Variants in PRUNE2 observed in about 807,000 individuals in gnomAD.
PRUNE2 encodes protein prune homolog 2.
Under a neutral mutation model 252.0 loss-of-function variants are expected in PRUNE2, and 164 were observed. The observed-to-expected ratio is 0.65, with a 90% CI of 0.57 to 0.74. PRUNE2 has a LOEUF of 0.74. PRUNE2 is among the 30% of genes least tolerant of loss of function. PRUNE2 has a pLI of 0.00. For synonymous variants in PRUNE2, 1,292 were observed against 1,350.2 expected, an observed-to-expected ratio of 0.96 and a Z score of 0.94; for missense variants, 3,495 against 3,711.0, an observed-to-expected ratio of 0.94 and a Z score of 1.51.
intron 15 of PRUNE2, among the ~76,000 whole-genome samples, chr9:76,630,504 T>C (rs1587861843): frequency 6.6e-6 from 1 of 152,192 alleles, no homozygotes; most frequent in Non-Finnish European, 1.5e-5. Flanking sequence ...AACTTGGTCT[T>C]ATGCATTTCT....
At chr9:76,743,234 T>C (rs938323094) in intron 6 of PRUNE2, among the ~76,000 whole-genome samples, 2 of 152,226 alleles carry the variant, frequency 1.3e-5, no homozygotes, top group African/African-American at 4.8e-5. Flanking sequence ...GCCTTGGGCA[T>C]TTCTCTATAG....
At chr9:76,722,244 A>AT (rs1447063811) in intron 6 of PRUNE2, among the ~76,000 whole-genome samples, 1 of 91,814 alleles carries the variant, frequency 1.1e-5, no homozygotes, top group Non-Finnish European at 2.4e-5. Flanking sequence ...TTTTTTTTGT[A>AT]TTTTTAGTAG....
intron 1 of PRUNE2, among the ~76,000 whole-genome samples, chr9:76,899,419 T>C (rs2063038227): frequency 6.6e-6 from 1 of 152,236 alleles, no homozygotes; most frequent in South Asian, 2.1e-4. Flanking sequence ...TCCTTGACTT[T>C]AGTGTCCTTC....
intron 14 of PRUNE2, 108 bp from the exon 15 acceptor site, chr9:76,636,665 T>G: frequency 1.5e-6 from 1 of 659,322 alleles, no homozygotes; most frequent in Non-Finnish European, 2.6e-6. Flanking sequence ...AAGTCTGGCA[T>G]GGTAGCTCAT....
chr9:76,628,148 C>G (rs1554770331), intron 16 of PRUNE2, among the ~76,000 whole-genome samples: 1 of 151,776 alleles, frequency 6.6e-6, no homozygotes, highest in African/African-American at 2.4e-5. Context: ...CAGTGAACAA[C>G]AACAAAAAAA....
At chr9:76,711,692 C>G (rs506086) in intron 7 of PRUNE2, among the ~76,000 whole-genome samples, 105,320 of 152,124 alleles carry the variant, frequency 0.69, 37,473 homozygotes, top group East Asian at 0.85. Context: ...TGCAAAAAAG[C>G]AGAGATAATG....
intron 1 of PRUNE2, among the ~76,000 whole-genome samples, chr9:76,888,357 T>A (rs1052678995): frequency 8.5e-5 from 13 of 152,250 alleles, no homozygotes; most frequent in African/African-American, 3.1e-4. Context: ...GGCAGGCAGA[T>A]CACAGGGTCA....
At chr9:76,656,549 G>A (rs1303276114) in intron 9 of PRUNE2, among the ~76,000 whole-genome samples, 1 of 152,098 alleles carries the variant, frequency 6.6e-6, no homozygotes, top group African/African-American at 2.4e-5. Context: ...ATCCCCTACT[G>A]TCAATAAAGC....
Position 76,850,471 on chromosome 9 carries a change from C to T in PRUNE2, c.336G>A (p.Val112=), listed in dbSNP as rs762922589. Residue 112 remains valine (V), a synonymous_variant, in exon 3 of 19, where the codon GTG becomes GTA. Transcript: ENST00000376718. ...KLSITLVGSS[V]LASEDKTLES... ...TTCACAGTGGATCTTACCTCGCCAG[C>T]ACACTGCTGCCAACAAGTGTTATCG... The T allele has an allele frequency of 1.4e-5, 22 of 1,613,628 alleles. No homozygotes were observed. In the East Asian group the frequency reaches 3.8e-4, roughly 28 times the overall value.
At chr9:76,750,601 G>A (rs1451139554) in intron 6 of PRUNE2, among the ~76,000 whole-genome samples, 5 of 152,262 alleles carry the variant, frequency 3.3e-5, no homozygotes, top group South Asian at 2.1e-4. Flanking sequence ...CAGTTTTTGC[G>A]GTGGGGCACT....
chr9:76,901,107 A>G (rs1012448305), intron 1 of PRUNE2, among the ~76,000 whole-genome samples: 1 of 152,140 alleles, frequency 6.6e-6, no homozygotes, highest in South Asian at 2.1e-4. Flanking sequence ...AGACTGATCC[A>G]CTTGAAGATC....
At position 76,613,355 on chromosome 9, in the gene PRUNE2, C is replaced by T. The variant is rs922903344; in HGVS notation, c.*1215G>A. ...ATACGGTCTGCTGAACTGCTCAGCT[C>T]TGCGGCTGTAGTGTGAAAGTAGCTG... On this transcript the variant is annotated 3_prime_UTR_variant, in exon 19 of 19. Coordinates refer to ENST00000376718, the MANE Select transcript of PRUNE2 (RefSeq NM_015225.3). The T allele has an allele frequency of 1.3e-5, 2 of 152,196 alleles. No individual in the cohort carries two copies. The highest frequency in any genetic ancestry group is 4.8e-5 in the African/African-American group (2 of 41,454). 9.4% of individuals were successfully genotyped at this position (152,196 alleles called of 1,614,324 possible). A position where few individuals can be genotyped will look rare whatever the true frequency, so the allele number is the denominator to read the frequency against.
chr9:76,805,363 G>A (rs188399314), intron 6 of PRUNE2, among the ~76,000 whole-genome samples: 23 of 152,292 alleles, frequency 1.5e-4, no homozygotes, highest in South Asian at 6.2e-4. Context: ...GCTCACACTC[G>A]TAATCCCAGC....
At chr9:76,764,438 A>C (rs1172765632) in intron 6 of PRUNE2, 1 of 152,210 alleles carries the variant, frequency 6.6e-6, no homozygotes, top group African/African-American at 2.4e-5. Flanking sequence ...TGTTCCAGAC[A>C]GAAGAAATAG....
chr9:76,833,491 C>T (rs2058775688), intron 4 of PRUNE2, among the ~76,000 whole-genome samples: 1 of 152,232 alleles, frequency 6.6e-6, no homozygotes, highest in East Asian at 1.9e-4. Flanking sequence ...ACAGGCCGGG[C>T]GTGGTGGCTC....
intron 6 of PRUNE2, among the ~76,000 whole-genome samples, chr9:76,716,691 A>T (rs115635971): frequency 0.013 from 1,965 of 151,440 alleles, 40 homozygotes; most frequent in African/African-American, 0.044. Flanking sequence ...TTTAATTTTT[A>T]AAATTTTGTT....
intron 6 of PRUNE2, among the ~76,000 whole-genome samples, chr9:76,741,405 T>C (rs1468964372): frequency 6.6e-6 from 1 of 152,140 alleles, no homozygotes; most frequent in Non-Finnish European, 1.5e-5. Flanking sequence ...AAAGCATATC[T>C]AGGAATTTAA....
intron 6 of PRUNE2, chr9:76,784,477 C>G (rs2131281313): frequency 6.6e-6 from 1 of 152,224 alleles, no homozygotes; most frequent in African/African-American, 2.4e-5. Flanking sequence ...CGTTCATAAC[C>G]AAATCATTTC....
chr9:76,887,081 T>C (rs989392790), intron 1 of PRUNE2, among the ~76,000 whole-genome samples: 1 of 152,216 alleles, frequency 6.6e-6, no homozygotes, highest in Non-Finnish European at 1.5e-5. Context: ...ATATTTCTTA[T>C]ATTGGGAAGA....
Sources: gnomAD v4.1 joint callset for allele counts (sites outside exome capture counted in the v4.1 genomes callset) on GRCh38, gnomAD v4.1.1 for gene constraint, MANE v1.5 for transcripts, NCBI Gene and HGNC (gene_info 2026-07-23, HGNC 2026-07-21) for gene names.